The following SLC1A7 variants were observed in gnomAD, a reference collection of about 807,000 sequenced individuals.
SLC1A7 encodes the protein solute carrier family 1 member 7.
SLC1A7 carries 40 observed loss-of-function variants against 47.7 expected under a neutral mutation model. That is an observed-to-expected ratio of 0.84 (90% confidence interval 0.65 to 1.09). SLC1A7 has a LOEUF of 1.09. Among genes scored for constraint, SLC1A7 ranks in the 50% least tolerant of loss-of-function variants. The pLI is 0.00. For missense variants in SLC1A7, 746 were observed against 769.5 expected, an observed-to-expected ratio of 0.97 and a Z score of 0.36; for synonymous variants, 323 against 325.6, an observed-to-expected ratio of 0.99 and a Z score of 0.09.
chr1:53,090,258 G>A, intron 8 of SLC1A7: 1 of 539,118 alleles, frequency 1.9e-6, no homozygotes. Context: ...ACATGGCTCT[G>A]CCTGCCTGCC....
Position 53,142,311 on chromosome 1 carries a change from T to A in SLC1A7, c.135+4A>T. 1 of 1,555,070 alleles carries A rather than the reference T, an allele frequency of 6.4e-7. No homozygotes were observed. The highest frequency in any genetic ancestry group is 8.7e-7 in the Non-Finnish European group (1 of 1,148,834). On this transcript the variant is annotated splice_donor_region_variant and intron_variant, in intron 1 of 10. Coordinates refer to ENST00000371494, the MANE Select transcript of SLC1A7 (RefSeq NM_006671.6). ...GGGGTCCCGAGATGCTCTGGGTGGCTGACCTGTGGTGAGAGGCGCCGGGTC... is the reference window on the plus strand; with the variant it reads ...GGGGTCCCGAGATGCTCTGGGTGGCAGACCTGTGGTGAGAGGCGCCGGGTC...
At chr1:53,119,613 A>G (rs1644798468) in intron 2 of SLC1A7, among the ~76,000 whole-genome samples, 1 of 151,988 alleles carries the variant, frequency 6.6e-6, no homozygotes, top group South Asian at 2.1e-4. Context: ...TCACCTCCCA[A>G]AGTGCTGGGA....
chr1:53,098,980 C>T (rs969094421), intron 5 of SLC1A7, among the ~76,000 whole-genome samples: 8 of 150,126 alleles, frequency 5.3e-5, no homozygotes, highest in Non-Finnish European at 1.2e-4. Context: ...ACTCATCCTG[C>T]CTCGCACTCA....
intron 5 of SLC1A7, among the ~76,000 whole-genome samples, chr1:53,095,639 C>T (rs1189663311): frequency 1.4e-5 from 2 of 147,972 alleles, no homozygotes; most frequent in Non-Finnish European, 3.0e-5. Flanking sequence ...AAACCCGCCT[C>T]AGTACACTCA....
At chr1:53,090,531 A>G in intron 8 of SLC1A7, 81 bp downstream of exon 8, 1 of 1,452,848 alleles carries the variant, frequency 6.9e-7, no homozygotes, top group South Asian at 1.5e-5. Flanking sequence ...CGCTTCAGAT[A>G]CCCCTCAAGT....
At chr1:53,116,586 A>G (rs1644764016) in intron 2 of SLC1A7, among the ~76,000 whole-genome samples, 1 of 152,214 alleles carries the variant, frequency 6.6e-6, no homozygotes, top group Non-Finnish European at 1.5e-5. Flanking sequence ...GTGCAGCCAG[A>G]GGAAATGGGG....
chr1:53,127,434 G>A (rs1306887998), intron 2 of SLC1A7, among the ~76,000 whole-genome samples: 1 of 152,226 alleles, frequency 6.6e-6, no homozygotes, highest in Non-Finnish European at 1.5e-5. Context: ...GAGGTGAGCA[G>A]AAGTGACTTC....
rs570741700 is a variant in SLC1A7, at chr1:53,103,346, C to T, written c.697G>A (p.Gly233Ser). The T allele has an allele frequency of 1.4e-5, 22 of 1,592,948 alleles. No individual in the cohort carries two copies. Among genetic ancestry groups the T allele is most frequent in the Non-Finnish European group, 1.8e-5 (21 of 1,170,430 alleles). ...LGIVFFSATM[G>S]IMLGRMGDSG... ...TGCTGGGCAGGTGGGCAGCACATAC[C>T]CATGGTGGCAGAGAAGAAGACGATG... The change falls in exon 5 of 11, where the codon GGC becomes AGC. Residue 233 changes from glycine to serine, a missense_variant and splice_region_variant. Gly to Ser is a moderately conservative substitution (Grantham distance 56). Transcript: ENST00000371494.
At chr1:53,131,811 A>T (rs1033837252) in intron 2 of SLC1A7, among the ~76,000 whole-genome samples, 1 of 152,250 alleles carries the variant, frequency 6.6e-6, no homozygotes, top group East Asian at 1.9e-4. Context: ...CAGTGGATAA[A>T]GAAACCAGTT....
At chr1:53,110,390 C>A (rs1644689621) in intron 3 of SLC1A7, among the ~76,000 whole-genome samples, 1 of 152,128 alleles carries the variant, frequency 6.6e-6, no homozygotes, top group Non-Finnish European at 1.5e-5. Context: ...GAGAGCGAGG[C>A]CCAACACCCA....
chr1:53,090,840 C>T, intron 7 of SLC1A7, 34 bp from the exon 8 acceptor site: 1 of 1,578,848 alleles, frequency 6.3e-7, no homozygotes, highest in Non-Finnish European at 8.6e-7. Context: ...TGCCCAGCAC[C>T]CTCCTCCAGG....
intron 2 of SLC1A7, chr1:53,115,283 A>C: frequency 2.4e-6 from 1 of 423,312 alleles, no homozygotes. Flanking sequence ...AATTAAGGAA[A>C]TGCGTGTGCT....
intron 2 of SLC1A7, among the ~76,000 whole-genome samples, chr1:53,124,309 A>G (rs2150339608): frequency 6.6e-6 from 1 of 151,418 alleles, no homozygotes; most frequent in Non-Finnish European, 1.5e-5. Context: ...TCACAGACAA[A>G]CCCACACCCA....
intron 5 of SLC1A7, among the ~76,000 whole-genome samples, chr1:53,097,996 A>ACCTCGGTACACTCACAAACCCTG (rs1557670827): frequency 7.7e-6 from 1 of 129,774 alleles, no homozygotes; most frequent in Non-Finnish European, 1.6e-5. Context: ...CACTCACACC[A>ACCTCGGTACACTCACAAACCCTG]CCTCGGTACA....
intron 5 of SLC1A7, among the ~76,000 whole-genome samples, chr1:53,097,324 G>A (rs991748250): frequency 2.4e-5 from 3 of 125,516 alleles, no homozygotes; most frequent in Non-Finnish European, 3.3e-5. Flanking sequence ...CACTGCCTTG[G>A]TGCACTCACA....
In SLC1A7 at chr1:53,135,809, A is replaced by G. The variant is rs576458406; in HGVS notation, c.136-1380T>C. 3.3e-5 allele frequency among the ~76,000 whole-genome samples: 5 copies of G among 152,298 alleles called. No individual in the cohort carries two copies. In the East Asian group the frequency reaches 9.6e-4, roughly 29 times the overall value. On this transcript the variant is annotated intron_variant, in intron 1 of 10. Coordinates refer to ENST00000371494, the MANE Select transcript of SLC1A7 (RefSeq NM_006671.6). ...CCTGGCATGGGGCCACTTTCTTCAG[A>G]GGGTGAGGTTGTGGGCGAGGCAGGC...
chr1:53,136,636 TAA>T (rs1230062890), intron 1 of SLC1A7, among the ~76,000 whole-genome samples: 1 of 112,946 alleles, frequency 8.9e-6, no homozygotes, highest in African/African-American at 3.5e-5. Flanking sequence ...ATATAATATA[TAA>T]AAACATATAT....
intron 8 of SLC1A7, chr1:53,090,252 G>T: frequency 1.8e-6 from 1 of 545,724 alleles, no homozygotes; most frequent in Non-Finnish European, 3.3e-6. Flanking sequence ...ACCACCACAT[G>T]GCTCTGCCTG....
At position 53,089,911 on chromosome 1, in the gene SLC1A7, A is replaced by G. The variant is rs370913970; in HGVS notation, c.1250T>C (p.Ile417Thr). ...GGCCTGGGGGATGCCAGCTGCCCCA[A>G]TGCTGGCTGCAGTGGCTGTGATACT... ...TISITATAASIGAAGIPQAGL... is the reference protein window; with the variant it reads ...TISITATAASTGAAGIPQAGL... Residue 417 changes from isoleucine (I) to threonine (T), a missense_variant, in exon 9 of 11, where the codon ATT becomes ACT. Physicochemically the swap from Ile to Thr is moderately conservative, Grantham distance 89. Transcript: ENST00000371494. 138 of 1,613,560 alleles carry G rather than the reference A, an allele frequency of 8.6e-5. No individual in the cohort carries two copies. The highest frequency in any genetic ancestry group is 1.1e-4 in the South Asian group (10 of 91,062).
Sources: allele counts gnomAD v4.1 joint callset (sites outside exome capture counted in the v4.1 genomes callset), GRCh38; gene constraint gnomAD v4.1.1; transcripts MANE v1.5; gene names NCBI Gene and HGNC (gene_info 2026-07-23, HGNC 2026-07-21).